Variants in SLC4A2 observed in about 807,000 individuals in gnomAD.
SLC4A2 encodes the protein solute carrier family 4 member 2.
Under a neutral mutation model 115.0 loss-of-function variants are expected in SLC4A2, and 36 were observed. That is an observed-to-expected ratio of 0.31 (90% CI 0.24 to 0.41). The LOEUF (loss-of-function observed/expected upper bound fraction) is 0.41. Among genes scored for constraint, SLC4A2 ranks in the 10% least tolerant of loss-of-function variants. SLC4A2 has a pLI of 1.00. For missense variants in SLC4A2, 1,252 were observed against 1,705.6 expected, an observed-to-expected ratio of 0.73 and a Z score of 4.68; for synonymous variants, 708 against 708.3, an observed-to-expected ratio of 1.00 and a Z score of 0.01.
chr7:151,070,236 C>G lies in SLC4A2; in HGVS notation c.1339C>G (p.Leu447Val), dbSNP rs1050703. 1 of 1,614,098 alleles carries G rather than the reference C, an allele frequency of 6.2e-7. No homozygotes were observed. Among genetic ancestry groups the G allele is most frequent in the Non-Finnish European group, 8.5e-7 (1 of 1,180,038 alleles). ...CCCCCGCAACATCTCAGCTGGCTCC[C>G]TGGGCTCCCTGCTGGGGCATCACCA... ...SFPRNISAGS[L>V]GSLLGHHHGQ... Residue 447 changes from leucine to valine, a missense_variant, in exon 10 of 23, where the codon CTG becomes GTG. Leu to Val is a conservative substitution (Grantham distance 32, BLOSUM62 1). Transcript: ENST00000413384.
At position 151,060,847 on chromosome 7, in the gene SLC4A2, T is replaced by C. The variant is rs1266178219; in HGVS notation, c.-63-1078T>C. ...CTGGGTGACCCCCCCAGACCTATAT[T>C]GTTTGACGCTACACTGACTTGTCTT... On this transcript the variant is annotated intron_variant, in intron 1 of 22. Transcript: ENST00000413384. This position sits in a 1 kb window ranked among gnomAD's most constrained non-coding sequence, Gnocchi z 5.9. Among the ~76,000 whole-genome samples the C allele has an allele frequency of 6.6e-6, 1 of 152,232 alleles. No individual in the cohort carries two copies. Among genetic ancestry groups the C allele is most frequent in the Non-Finnish European group, 1.5e-5 (1 of 67,982 alleles).
intron 2 of SLC4A2, chr7:151,062,413 G>C: frequency 1.2e-6 from 1 of 804,720 alleles, no homozygotes; most frequent in Non-Finnish European, 1.8e-6. Flanking sequence ...CGCCTGCCAC[G>C]ACTGGCCACG....
chr7:151,069,835 T>G (rs1584992362), intron 8 of SLC4A2, 112 bp from the exon 9 acceptor site: 2 of 1,268,872 alleles, frequency 1.6e-6, no homozygotes, highest in Non-Finnish European at 2.3e-6. Context: ...TGTAGGCTGG[T>G]GTTCCAGCCC....
chr7:151,061,790 C>T (rs1457067461), intron 1 of SLC4A2, 135 bp from the exon 2 acceptor site: 1 of 591,108 alleles, frequency 1.7e-6, no homozygotes, highest in African/African-American at 1.9e-5. Flanking sequence ...TAACTCTCCT[C>T]TGTGCTGTGG....
intron 7 of SLC4A2, 51 bp downstream of exon 7, chr7:151,067,044 C>T (rs759717378): frequency 6.6e-7 from 1 of 1,512,072 alleles, no homozygotes; most frequent in Non-Finnish European, 8.9e-7. Context: ...ACGACCCTGC[C>T]CCTACCTCTC....
intron 2 of SLC4A2, chr7:151,063,007 G>A: frequency 6.9e-7 from 1 of 1,444,876 alleles, no homozygotes; most frequent in Non-Finnish European, 9.1e-7. Flanking sequence ...TGCCCTTCAG[G>A]TCCAGAAGCT....
At chr7:151,063,394 G>C (rs1797123265) in intron 2 of SLC4A2, among the ~76,000 whole-genome samples, 1 of 152,204 alleles carries the variant, frequency 6.6e-6, no homozygotes, top group African/African-American at 2.4e-5. Flanking sequence ...CTCAGCAGTT[G>C]TCCTCAGGCC....
chr7:151,061,639 T>G, intron 1 of SLC4A2: 1 of 314,630 alleles, frequency 3.2e-6, no homozygotes, highest in Non-Finnish European at 6.0e-6. Context: ...GCCTGGGCCT[T>G]GACTCCTTTC....
In SLC4A2 at chr7:151,062,875, T is replaced by C. The variant is rs906045860; in HGVS notation, c.51+837T>C. On this transcript the variant is annotated intron_variant, in intron 2 of 22. Transcript: ENST00000413384. ...CCGGTGTTCTGCCAGTCCCAGCTGC[T>C]CCAGTCCCCACCTCGCCCCTAAGAC... 10 of 1,389,686 alleles carry C rather than the reference T, an allele frequency of 7.2e-6. No homozygotes were observed. In the African/African-American group the frequency reaches 1.1e-4, roughly 15 times the overall value. 86.1% of individuals were successfully genotyped at this position (1,389,686 alleles called of 1,614,324 possible). A position where few individuals can be genotyped will look rare whatever the true frequency, so the allele number is the denominator to read the frequency against.
intron 2 of SLC4A2, chr7:151,062,649 C>T (rs1797090637): frequency 3.3e-6 from 5 of 1,524,414 alleles, no homozygotes; most frequent in African/African-American, 2.8e-5. Context: ...CATGGACTTC[C>T]TCCTGCGGCC....
At chr7:151,062,710 G>C in intron 2 of SLC4A2, 1 of 1,445,718 alleles carries the variant, frequency 6.9e-7, no homozygotes, top group South Asian at 1.4e-5. Context: ...CAAGCTCCCT[G>C]CGCCTCTCCC....
rs750093789 is a variant in SLC4A2 at position 151,071,892 on chromosome 7, C to T, written c.2341-50C>T. The T allele has an allele frequency of 2.5e-6, 4 of 1,608,214 alleles. No individual in the cohort carries two copies. In the Admixed American group the frequency reaches 6.7e-5, roughly 27 times the overall value. ...GCCCCTCCCGTGCCCTAGACACCTCCCCACAGCATCCCCACCCAGAGCTCA... is the reference window on the plus strand; with the variant it reads ...GCCCCTCCCGTGCCCTAGACACCTCTCCACAGCATCCCCACCCAGAGCTCA... On this transcript the variant is annotated intron_variant, in intron 15 of 22. Coordinates refer to ENST00000413384, the MANE Select transcript of SLC4A2 (RefSeq NM_003040.4). This position sits in a 1 kb window ranked among gnomAD's most constrained non-coding sequence, Gnocchi z 5.5.
chr7:151,062,076 T>A (rs145670639), intron 2 of SLC4A2, 38 bp downstream of exon 2: 106 of 1,582,990 alleles, frequency 6.7e-5, no homozygotes, highest in Non-Finnish European at 8.5e-5. Context: ...CAACCTTCCC[T>A]CCCTGGGCAG....
Position 151,076,354 on chromosome 7 carries a change from C to A in SLC4A2, c.3713C>A (p.Pro1238His), listed in dbSNP as rs552861749. Residue 1238 changes from proline to histidine, a missense_variant, in exon 23 of 23, where the codon CCC (proline) becomes CAC (histidine). Transcript: ENST00000413384. ...REGVDEYNEM[P>H]MPV ...GGTGTGGACGAGTACAATGAGATGC[C>A]CATGCCTGTGTAGCCGCCACCGAGG... The A allele has an allele frequency of 6.6e-7, 1 of 1,507,982 alleles. No homozygotes were observed. The highest frequency in any genetic ancestry group is 8.9e-7 in the Non-Finnish European group (1 of 1,127,584). The allele number at this position is 1,507,982 out of a possible 1,614,324, so 93.4% of individuals were successfully genotyped here.
intron 10 of SLC4A2, 47 bp from the exon 11 acceptor site, chr7:151,070,410 A>G (rs1431188969): frequency 6.2e-7 from 1 of 1,611,684 alleles, no homozygotes; most frequent in South Asian, 1.1e-5. Context: ...GTGTGGACTC[A>G]GAGTGGGAGG....
In SLC4A2 at chr7:151,073,252, CTTTAT is replaced by C. The variant is rs3062437; in HGVS notation, c.2536-754_2536-750del. ...GCATGAGCCACCAGGCCCAGTCCAT[CTTTAT>C]TTTATTTTATTTTATTTTATTTTAT... is the stretch of plus-strand genomic sequence containing the variant. On this transcript the variant is annotated intron_variant, in intron 16 of 22. Transcript: ENST00000413384. Among the ~76,000 whole-genome samples, 344 of 146,412 alleles carry C rather than the reference CTTTAT, an allele frequency of 2.3e-3. 3 individuals are homozygous for C. Among genetic ancestry groups the C allele is most frequent in the South Asian group, 0.022 (101 of 4,608 alleles).
intron 5 of SLC4A2, 71 bp from the exon 6 acceptor site, chr7:151,066,446 C>A: frequency 7.0e-7 from 1 of 1,437,248 alleles, no homozygotes; most frequent in South Asian, 1.5e-5. Flanking sequence ...CCCTGGCTAC[C>A]GCCTGCGTGG....
chr7:151,073,548 C>T (rs1323403910), intron 16 of SLC4A2, among the ~76,000 whole-genome samples: 3 of 152,144 alleles, frequency 2.0e-5, no homozygotes, highest in African/African-American at 4.8e-5. Context: ...GGATTACAGG[C>T]GTGAACCACT....
chr7:151,073,473 A>G (rs1352083831), intron 16 of SLC4A2, among the ~76,000 whole-genome samples: 2 of 151,430 alleles, frequency 1.3e-5, no homozygotes, highest in African/African-American at 4.9e-5. Flanking sequence ...TAGCAGAGAC[A>G]GGGAAGGCTG....
Sources: allele counts gnomAD v4.1 joint callset (sites outside exome capture counted in the v4.1 genomes callset), GRCh38; gene constraint gnomAD v4.1.1; non-coding constraint Gnocchi (gnomAD v3.1); transcripts MANE v1.5; gene names NCBI Gene and HGNC (gene_info 2026-07-23, HGNC 2026-07-21).